PRKG1: variants seen among roughly 807,000 people sequenced by gnomAD.
The protein encoded by PRKG1 is protein kinase cGMP-dependent 1.
In PRKG1, 35 loss-of-function variants were observed where a neutral mutation model predicts 88.1. The observed-to-expected ratio is 0.40, with a 90% CI of 0.30 to 0.53. The LOEUF (loss-of-function observed/expected upper bound fraction) is 0.53. Ranked by LOEUF, PRKG1 falls within the 20% of genes least tolerant of loss-of-function variation. PRKG1 has a pLI of 0.59. For synonymous variants in PRKG1, 303 were observed against 292.5 expected, an observed-to-expected ratio of 1.04 and a Z score of -0.37; for missense variants, 540 against 839.8, an observed-to-expected ratio of 0.64 and a Z score of 4.41.
chr10:51,515,051 T>C (rs563269711), intron 3 of PRKG1, among the ~76,000 whole-genome samples: 3 of 152,280 alleles, frequency 2.0e-5, no homozygotes, highest in Middle Eastern at 3.4e-3. Flanking sequence ...TATTGGCAAA[T>C]GCTTCCTGGG....
intron 5 of PRKG1, among the ~76,000 whole-genome samples, chr10:51,913,667 GT>G (rs1287345952): frequency 1.3e-5 from 2 of 152,114 alleles, no homozygotes; most frequent in African/African-American, 4.8e-5. Flanking sequence ...CCTAGGCTGT[GT>G]TTTGAAAGAC....
intron 4 of PRKG1, among the ~76,000 whole-genome samples, chr10:51,853,214 T>G (rs1367076973): frequency 6.6e-6 from 1 of 152,176 alleles, no homozygotes; most frequent in Admixed American, 6.5e-5. Flanking sequence ...GATGTTTTAG[T>G]ATTTATTTAG....
chr10:51,316,263 A>G (rs1346020099), intron 2 of PRKG1, among the ~76,000 whole-genome samples: 2 of 152,214 alleles, frequency 1.3e-5, no homozygotes, highest in Admixed American at 1.3e-4. Flanking sequence ...TGAACGAAAA[A>G]AGTAAAGAAA....
intron 7 of PRKG1, among the ~76,000 whole-genome samples, chr10:52,117,519 G>A (rs1564476131): frequency 6.6e-6 from 1 of 152,046 alleles, no homozygotes; most frequent in Non-Finnish European, 1.5e-5. Flanking sequence ...AGAATGAACA[G>A]CAGCTAATAA....
At chr10:52,262,904 C>T (rs1363302681) in intron 10 of PRKG1, among the ~76,000 whole-genome samples, 3 of 152,014 alleles carry the variant, frequency 2.0e-5, no homozygotes, top group Non-Finnish European at 4.4e-5. Context: ...GGAATAATGA[C>T]AAGAAAAATG....
Position 51,792,451 on chromosome 10 carries a change from C to G in PRKG1, c.593-12134C>G, listed in dbSNP as rs141617875. Among the ~76,000 whole-genome samples, 25 of 152,174 alleles carry G rather than the reference C, an allele frequency of 1.6e-4. No individual in the cohort carries two copies. The East Asian group carries it at 4.5e-3, about 27-fold the overall frequency. On this transcript the variant is annotated intron_variant, in intron 3 of 17. Coordinates refer to ENST00000373980, the MANE Select transcript of PRKG1 (RefSeq NM_006258.4). Reference sequence around the variant, plus strand: ...CACTTCGTCAGTCAATTCACAGCCTCCATTACCAGCTTTTCATAGTGCTGA... The same window carrying G: ...CACTTCGTCAGTCAATTCACAGCCTGCATTACCAGCTTTTCATAGTGCTGA...
At chr10:51,754,401 T>A (rs981098592) in intron 3 of PRKG1, among the ~76,000 whole-genome samples, 1 of 152,200 alleles carries the variant, frequency 6.6e-6, no homozygotes, top group Non-Finnish European at 1.5e-5. Flanking sequence ...TGCTAACTGT[T>A]CTTTCAATTA....
intron 3 of PRKG1, among the ~76,000 whole-genome samples, chr10:51,503,692 C>G (rs1841105103): frequency 6.6e-6 from 1 of 150,698 alleles, no homozygotes; most frequent in Non-Finnish European, 1.5e-5. Context: ...AATTCTTTAA[C>G]CTCTTCTCTT....
At chr10:51,490,360 C>T (rs1457016554) in intron 3 of PRKG1, among the ~76,000 whole-genome samples, 1 of 152,036 alleles carries the variant, frequency 6.6e-6, no homozygotes, top group Non-Finnish European at 1.5e-5. Flanking sequence ...TTAGCACGTA[C>T]TATAATGCAG....
At chr10:51,694,804 ATTGC>A (rs1841243346) in intron 3 of PRKG1, among the ~76,000 whole-genome samples, 1 of 152,172 alleles carries the variant, frequency 6.6e-6, no homozygotes. Flanking sequence ...TTGTGGCAAT[ATTGC>A]TTGCTTTATT....
chr10:51,236,741 T>C (rs1329038792), intron 2 of PRKG1, among the ~76,000 whole-genome samples: 1 of 152,034 alleles, frequency 6.6e-6, no homozygotes, highest in Admixed American at 6.6e-5. Context: ...CCTGACCTCA[T>C]GATCCACCCA....
At position 52,023,883 on chromosome 10, in the gene PRKG1, G is replaced by A. The variant is rs146912907; in HGVS notation, c.763-30601G>A. ...AGGTTGCCTATTTACTCTAATGATA[G>A]TTTCTTTTGCTGTGCAGAAGCTCTT... is the stretch of plus-strand genomic sequence containing the variant. On this transcript the variant is annotated intron_variant, in intron 5 of 17. Coordinates refer to ENST00000373980, the MANE Select transcript of PRKG1 (RefSeq NM_006258.4). Among the ~76,000 whole-genome samples, 1,053 of 152,282 alleles carry A rather than the reference G, an allele frequency of 6.9e-3. 14 individuals are homozygous for A. Among genetic ancestry groups the A allele is most frequent in the African/African-American group, 0.024 (995 of 41,552 alleles).
chr10:52,231,411 A>AAGAGAGAAAGAGAGAGAGAG (rs1407961276), intron 9 of PRKG1: 4 of 152,020 alleles, frequency 2.6e-5, no homozygotes, highest in South Asian at 4.2e-4. Flanking sequence ...GGAAGAAAGA[A>AAGAGAGAAAGAGAGAGAGAG]AGAGAGAAAG....
intron 2 of PRKG1, among the ~76,000 whole-genome samples, chr10:51,249,351 A>C (rs374739576): frequency 2.0e-5 from 3 of 152,034 alleles, no homozygotes; most frequent in East Asian, 3.9e-4. Flanking sequence ...TAACTTGAAA[A>C]GTTTTTGACA....
At chr10:52,121,949 A>G (rs554632931) in intron 7 of PRKG1, among the ~76,000 whole-genome samples, 14 of 152,214 alleles carry the variant, frequency 9.2e-5, no homozygotes, top group Non-Finnish European at 2.1e-4. Flanking sequence ...CCACGTTTTC[A>G]GATATTTGTT....
chr10:51,615,155 C>T (rs1839015589), intron 3 of PRKG1, among the ~76,000 whole-genome samples: 1 of 151,604 alleles, frequency 6.6e-6, no homozygotes, highest in African/African-American at 2.4e-5. Flanking sequence ...TTGAATATAT[C>T]CCATTATCTC....
intron 3 of PRKG1, among the ~76,000 whole-genome samples, chr10:51,734,166 T>TA (rs1194519149): frequency 1.3e-5 from 2 of 152,186 alleles, no homozygotes; most frequent in Non-Finnish European, 2.9e-5. Flanking sequence ...ATATGACTGA[T>TA]AAATTGTCAA....
chr10:52,114,196 T>C (rs1363798394), intron 7 of PRKG1, among the ~76,000 whole-genome samples: 1 of 152,082 alleles, frequency 6.6e-6, no homozygotes, highest in East Asian at 1.9e-4. Flanking sequence ...CTCAGAAATA[T>C]CAGAGACAGA....
At chr10:51,431,836 A>C (rs2132726745) in intron 2 of PRKG1, among the ~76,000 whole-genome samples, 1 of 152,308 alleles carries the variant, frequency 6.6e-6, no homozygotes, top group Non-Finnish European at 1.5e-5. Context: ...AATAACAATA[A>C]TTTGTTAGTT....
Sources: allele counts gnomAD v4.1 joint callset (sites outside exome capture counted in the v4.1 genomes callset), GRCh38; gene constraint gnomAD v4.1.1; transcripts MANE v1.5; gene names NCBI Gene and HGNC (gene_info 2026-07-23, HGNC 2026-07-21).